Variants in LONP2 observed in about 807,000 individuals in gnomAD.
The protein encoded by LONP2 is lon peptidase 2, peroxisomal, also known as lon protease homolog 2, peroxisomal.
Under a neutral mutation model 85.6 loss-of-function variants are expected in LONP2, and 60 were observed. That is an observed-to-expected ratio of 0.70 (90% confidence interval 0.57 to 0.87). The LOEUF (loss-of-function observed/expected upper bound fraction) is 0.87. Ranked by LOEUF, LONP2 falls within the 40% of genes least tolerant of loss-of-function variation. The probability of loss-of-function intolerance (pLI) is 0.00; values close to 1 mark genes in which losing one functional copy is unlikely to be tolerated. For synonymous variants in LONP2, 395 were observed against 389.7 expected, an observed-to-expected ratio of 1.01 and a Z score of -0.16; for missense variants, 860 against 1,063.5, an observed-to-expected ratio of 0.81 and a Z score of 2.66.
At chr16:48,290,444 GAGTCCCAC>G (rs1468422664) in intron 8 of LONP2, among the ~76,000 whole-genome samples, 1 of 152,092 alleles carries the variant, frequency 6.6e-6, no homozygotes, top group African/African-American at 2.4e-5. Flanking sequence ...GTTGAGCACT[GAGTCCCAC>G]AAGACTGCCT....
At chr16:48,265,274 T>A (rs973544184) in intron 6 of LONP2, among the ~76,000 whole-genome samples, 1 of 152,226 alleles carries the variant, frequency 6.6e-6, no homozygotes, top group Non-Finnish European at 1.5e-5. Context: ...GGTGTCAATA[T>A]CCAAAAATAC....
chr16:48,245,164 A>C (rs1030332901), intron 1 of LONP2, among the ~76,000 whole-genome samples: 1 of 151,704 alleles, frequency 6.6e-6, no homozygotes, highest in Non-Finnish European at 1.5e-5. Context: ...ACTCCCTGCC[A>C]CCCTTCTCCT....
intron 11 of LONP2, among the ~76,000 whole-genome samples, chr16:48,304,602 G>T (rs1271095422): frequency 1.3e-5 from 2 of 152,204 alleles, no homozygotes; most frequent in Admixed American, 6.5e-5. Flanking sequence ...TACTCTGGAG[G>T]TTGAGGCAGG....
chr16:48,286,092 A>G (rs756512955), intron 8 of LONP2, among the ~76,000 whole-genome samples: 8 of 151,360 alleles, frequency 5.3e-5, no homozygotes, highest in Non-Finnish European at 1.0e-4. Flanking sequence ...AAGTTCATCA[A>G]TGTTGGGGCA....
At chr16:48,251,985 T>C (rs1331780777) in intron 1 of LONP2, 146 bp from the exon 2 acceptor site, 1 of 528,538 alleles carries the variant, frequency 1.9e-6, no homozygotes, top group African/African-American at 1.9e-5. Context: ...ACATACTGGA[T>C]GCTAAGTTAA....
At chr16:48,252,477 G>A in intron 2 of LONP2, 112 bp downstream of exon 2, 1 of 606,426 alleles carries the variant, frequency 1.6e-6, no homozygotes, top group Non-Finnish European at 2.8e-6. Flanking sequence ...ACATTTAAAT[G>A]AGTTAGTAAC....
chr16:48,249,487 A>G (rs1390727843), intron 1 of LONP2, among the ~76,000 whole-genome samples: 4 of 152,232 alleles, frequency 2.6e-5, no homozygotes, highest in Non-Finnish European at 4.4e-5. Flanking sequence ...CCAATATACA[A>G]TAGATTCTTT....
chr16:48,308,998 T>G (rs1328699347), intron 11 of LONP2, among the ~76,000 whole-genome samples: 2 of 151,802 alleles, frequency 1.3e-5, no homozygotes, highest in African/African-American at 4.8e-5. Flanking sequence ...GCAAAGGAGA[T>G]GAAAGACATT....
Position 48,362,696 on chromosome 16 carries a change from TAC to T in LONP2, c.*835_*836del. The T allele has an allele frequency of 2.9e-6, 1 of 342,116 alleles. No homozygotes were observed. The highest frequency in any genetic ancestry group is 5.6e-6 in the Non-Finnish European group (1 of 177,884). 21.2% of individuals were successfully genotyped at this position (342,116 alleles called of 1,614,324 possible). On this transcript the variant is annotated 3_prime_UTR_variant, in exon 5 of 5. Coordinates refer to the LONP2 transcript ENST00000565867. This position sits in a 1 kb window ranked among gnomAD's most constrained non-coding sequence, Gnocchi z 4.2. The stretch of plus-strand genomic sequence containing the variant: ...CTCCCTTAATCGTCTTTGGATAGAC[TAC>T]ATAGAATAATAAATGCTAAAATAGA...
intron 1 of LONP2, 42 bp from the exon 2 acceptor site, chr16:48,252,089 G>C (rs747207426): frequency 2.5e-5 from 36 of 1,413,950 alleles, no homozygotes; most frequent in Non-Finnish European, 3.4e-5. Flanking sequence ...CTGTTCTACC[G>C]TATTGAATGT....
At chr16:48,328,201 G>A (rs1193565296) in intron 11 of LONP2, among the ~76,000 whole-genome samples, 1 of 152,112 alleles carries the variant, frequency 6.6e-6, no homozygotes, top group Non-Finnish European at 1.5e-5. Flanking sequence ...CCTGAGGCCA[G>A]GAGTTCAAGA....
chr16:48,349,838 A>G (rs1292549164), intron 14 of LONP2, among the ~76,000 whole-genome samples: 2 of 152,260 alleles, frequency 1.3e-5, no homozygotes, highest in East Asian at 3.8e-4. Context: ...AAGTTAAGGC[A>G]TCTTGAGATC....
In LONP2 at chr16:48,351,949, A is replaced by G. The variant is rs1960165883; in HGVS notation, c.*147A>G. ...CAGTAATAAACCTCAAGTAGTGGCT[A>G]GTGTTTAGTATAGAAATATAAGATG... On this transcript the variant is annotated 3_prime_UTR_variant, in exon 15 of 15. Transcript: ENST00000285737. The G allele has an allele frequency of 3.2e-6, 2 of 629,850 alleles. No individual in the cohort carries two copies. Among genetic ancestry groups the G allele is most frequent in the African/African-American group, 3.7e-5 (2 of 54,354 alleles). The allele number at this position is 629,850 out of a possible 1,614,324, so 39.0% of individuals were successfully genotyped here.
chr16:48,321,156 A>G (rs1222317064), intron 11 of LONP2, among the ~76,000 whole-genome samples: 1 of 152,198 alleles, frequency 6.6e-6, no homozygotes, highest in Non-Finnish European at 1.5e-5. Context: ...AAGTGCTGGG[A>G]TTACAGGCGT....
chr16:48,341,424 G>A (rs1018463160), intron 12 of LONP2, among the ~76,000 whole-genome samples: 6 of 152,338 alleles, frequency 3.9e-5, no homozygotes, highest in Middle Eastern at 3.4e-3. Context: ...CAGAGCAGGA[G>A]CAAGAGTGCA....
intron 11 of LONP2, 105 bp from the exon 12 acceptor site, chr16:48,334,111 C>T: frequency 1.0e-6 from 1 of 962,102 alleles, no homozygotes; most frequent in East Asian, 2.5e-5. Context: ...ATAAAAGTGA[C>T]TGAACTTTTG....
At chr16:48,320,290 C>T (rs1263058167) in intron 11 of LONP2, among the ~76,000 whole-genome samples, 4 of 151,868 alleles carry the variant, frequency 2.6e-5, no homozygotes, top group Middle Eastern at 3.4e-3. Context: ...AGTTTGGATT[C>T]GGTTTTGCAT....
chr16:48,250,614 T>C (rs1408687065), intron 1 of LONP2, among the ~76,000 whole-genome samples: 1 of 152,260 alleles, frequency 6.6e-6, no homozygotes, highest in African/African-American at 2.4e-5. Context: ...TCCTCCTTGG[T>C]TTCTACTTTG....
Position 48,347,957 on chromosome 16 carries a change from C to T in LONP2, c.2147-143C>T, listed in dbSNP as rs1344535717. 24 of 797,352 alleles carry T rather than the reference C, an allele frequency of 3.0e-5. No homozygotes were observed. The East Asian group carries it at 3.7e-4, about 12-fold the overall frequency. The allele number at this position is 797,352 out of a possible 1,614,324, so 49.4% of individuals were successfully genotyped here. ...GTAGAATGGAACTGTTCTTCCACAC[C>T]CTCACCCAAATTGTACTGTCCACCA... On this transcript the variant is annotated intron_variant, in intron 13 of 14. Coordinates refer to ENST00000285737, the MANE Select transcript of LONP2 (RefSeq NM_031490.5).
Sources: allele counts gnomAD v4.1 joint callset (sites outside exome capture counted in the v4.1 genomes callset), GRCh38; gene constraint gnomAD v4.1.1; non-coding constraint Gnocchi (gnomAD v3.1); transcripts MANE v1.5; gene names NCBI Gene and HGNC (gene_info 2026-07-23, HGNC 2026-07-21).